IPMK: variants seen among roughly 807,000 people sequenced by gnomAD.
IPMK encodes the protein inositol 1,3,4,6-tetrakisphosphate 5-kinase.
IPMK carries 17 observed loss-of-function variants against 45.8 expected under a neutral mutation model. The observed-to-expected ratio is 0.37, with a 90% CI of 0.25 to 0.56. IPMK has a LOEUF of 0.56. IPMK is among the 20% of genes least tolerant of loss of function. The pLI, the probability that IPMK is intolerant of heterozygous loss-of-function variation, is 0.79. For missense variants in IPMK, 399 were observed against 498.0 expected (o/e 0.80, Z 1.89); for synonymous variants, 180 against 184.3 (o/e 0.98, Z 0.19).
intron 2 of IPMK, among the ~76,000 whole-genome samples, chr10:58,229,394 C>G (rs1221368163): frequency 1.3e-5 from 2 of 151,784 alleles, no homozygotes; most frequent in East Asian, 1.9e-4. Flanking sequence ...AAAACCCTGT[C>G]TCTACCAAAA....
At chr10:58,242,222 T>C (rs1303287504) in intron 1 of IPMK, among the ~76,000 whole-genome samples, 1 of 152,038 alleles carries the variant, frequency 6.6e-6, no homozygotes, top group Non-Finnish European at 1.5e-5. Flanking sequence ...GTACACAACA[T>C]GGATGAAAAG....
At chr10:58,247,487 G>A (rs1200606086) in intron 1 of IPMK, among the ~76,000 whole-genome samples, 1 of 151,652 alleles carries the variant, frequency 6.6e-6, no homozygotes, top group African/African-American at 2.4e-5. Flanking sequence ...AAAAAATGAT[G>A]AGTTCATGTC....
Position 58,193,595 on chromosome 10 carries a change from A to G in IPMK, c.*2481T>C, listed in dbSNP as rs1371176892. 1 of 151,880 alleles carries G rather than the reference A, an allele frequency of 6.6e-6. No individual in the cohort carries two copies. Among genetic ancestry groups the G allele is most frequent in the African/African-American group, 2.4e-5 (1 of 41,446 alleles). The allele number at this position is 151,880 out of a possible 1,614,324, so 9.4% of individuals were successfully genotyped here. A position where few individuals can be genotyped will look rare whatever the true frequency, so the allele number is the denominator to read the frequency against. ...ATTTAAATTTTTATTAGAGAAAGGTATTATTCACATCCACAATTTCTTAAA... is the reference window on the plus strand; with the variant it reads ...ATTTAAATTTTTATTAGAGAAAGGTGTTATTCACATCCACAATTTCTTAAA... On this transcript the variant is annotated 3_prime_UTR_variant, in exon 6 of 6. Coordinates refer to ENST00000373935, the MANE Select transcript of IPMK (RefSeq NM_152230.5).
At chr10:58,201,922 A>G (rs753747177) in intron 4 of IPMK, among the ~76,000 whole-genome samples, 1 of 152,234 alleles carries the variant, frequency 6.6e-6, no homozygotes, top group Non-Finnish European at 1.5e-5. Context: ...AACCAGCCAC[A>G]ACATTACCTC....
chr10:58,257,852 TAAC>T (rs764280880), intron 1 of IPMK, among the ~76,000 whole-genome samples: 1 of 152,086 alleles, frequency 6.6e-6, no homozygotes, highest in Non-Finnish European at 1.5e-5. Context: ...AGACATATCA[TAAC>T]AATAAAAAGG....
rs926107157 is a variant in IPMK at position 58,192,125 on chromosome 10, AAGAT to A, written c.*3947_*3950del. ...GAGAATTTAAGTATTAACTCAAAAA[AAGAT>A]AGAGGCTCCAAACTTTTCTAAGAAA... On this transcript the variant is annotated 3_prime_UTR_variant, in exon 6 of 6. Coordinates refer to ENST00000373935, the MANE Select transcript of IPMK (RefSeq NM_152230.5). 6.6e-5 allele frequency: 10 copies of A among 152,176 alleles called. No individual in the cohort carries two copies. Among genetic ancestry groups the A allele is most frequent in the South Asian group, 2.1e-4 (1 of 4,828 alleles). The allele number at this position is 152,176 out of a possible 1,614,324, so 9.4% of individuals were successfully genotyped here.
intron 1 of IPMK, among the ~76,000 whole-genome samples, chr10:58,253,164 C>T (rs1838910453): frequency 6.6e-6 from 1 of 152,122 alleles, no homozygotes; most frequent in South Asian, 2.1e-4. Context: ...ATGGAAGTTC[C>T]ACTGCACAAG....
intron 1 of IPMK, among the ~76,000 whole-genome samples, chr10:58,241,260 C>T (rs538875011): frequency 1.3e-5 from 2 of 152,238 alleles, no homozygotes; most frequent in South Asian, 2.1e-4. Flanking sequence ...ACAGAGCCTA[C>T]CTAACATTGA....
intron 3 of IPMK, among the ~76,000 whole-genome samples, chr10:58,223,285 A>AT (rs1838365731): frequency 6.6e-6 from 1 of 152,204 alleles, no homozygotes; most frequent in African/African-American, 2.4e-5. Context: ...AGTGTTAGGT[A>AT]TAAAAAAAAT....
intron 4 of IPMK, among the ~76,000 whole-genome samples, chr10:58,214,011 GC>G (rs1354071764): frequency 6.6e-6 from 1 of 152,176 alleles, no homozygotes; most frequent in African/African-American, 2.4e-5. Context: ...GCCGAGACAA[GC>G]TAAATCTGCA....
At chr10:58,266,665 G>T (rs7899961) in intron 1 of IPMK, among the ~76,000 whole-genome samples, 16,692 of 152,166 alleles carry the variant, frequency 0.11, 1,367 homozygotes, top group East Asian at 0.44. Context: ...TAAACTAGAT[G>T]AATTAGAGTT....
At chr10:58,213,271 T>C (rs11818436) in intron 4 of IPMK, among the ~76,000 whole-genome samples, 12,098 of 152,320 alleles carry the variant, frequency 0.079, 555 homozygotes, top group Non-Finnish European at 0.089. Flanking sequence ...CAGAGCCTGC[T>C]GATAAACATT....
chr10:58,238,006 A>T (rs1588965227), intron 1 of IPMK, among the ~76,000 whole-genome samples, 192 bp from the exon 2 acceptor site: 1 of 152,326 alleles, frequency 6.6e-6, no homozygotes, highest in East Asian at 1.9e-4. Context: ...CCAGAACACA[A>T]ATTCCAAATG....
At chr10:58,264,898 C>A (rs1380033074) in intron 1 of IPMK, among the ~76,000 whole-genome samples, 1 of 152,014 alleles carries the variant, frequency 6.6e-6, no homozygotes, top group Non-Finnish European at 1.5e-5. Context: ...TATGTATGTG[C>A]CCAGAAACAA....
At chr10:58,244,660 G>A (rs1838768195) in intron 1 of IPMK, among the ~76,000 whole-genome samples, 1 of 152,072 alleles carries the variant, frequency 6.6e-6, no homozygotes, top group African/African-American at 2.4e-5. Flanking sequence ...TGTGTAGAAA[G>A]AAGTAGACAT....
At chr10:58,201,617 A>G (rs549088137) in intron 4 of IPMK, among the ~76,000 whole-genome samples, 2 of 152,202 alleles carry the variant, frequency 1.3e-5, no homozygotes, top group African/African-American at 4.8e-5. Flanking sequence ...TAACCCTCCA[A>G]TTAATTAATT....
At chr10:58,203,554 G>A (rs1001587182) in intron 4 of IPMK, among the ~76,000 whole-genome samples, 2 of 152,114 alleles carry the variant, frequency 1.3e-5, no homozygotes, top group Non-Finnish European at 2.9e-5. Context: ...GAGCTCAAGC[G>A]ATCCACCCGC....
chr10:58,203,765 G>C (rs759262657), intron 4 of IPMK, among the ~76,000 whole-genome samples: 1 of 152,254 alleles, frequency 6.6e-6, no homozygotes, highest in Non-Finnish European at 1.5e-5. Context: ...CAGGATCTGA[G>C]AGGACTGACT....
At chr10:58,238,705 T>C (rs1838652076) in intron 1 of IPMK, among the ~76,000 whole-genome samples, 2 of 152,220 alleles carry the variant, frequency 1.3e-5, no homozygotes, top group South Asian at 2.1e-4. Flanking sequence ...GAGTGAGGCA[T>C]ATCTCACACA....
Sources: gnomAD v4.1 joint callset for allele counts (sites outside exome capture counted in the v4.1 genomes callset) on GRCh38, gnomAD v4.1.1 for gene constraint, MANE v1.5 for transcripts, NCBI Gene and HGNC (gene_info 2026-07-23, HGNC 2026-07-21) for gene names.